Variants in RARB observed in about 807,000 individuals in gnomAD.
The protein encoded by RARB is HBV-activated protein.
In RARB, 17 loss-of-function variants were observed where a neutral mutation model predicts 51.9. The ratio of observed to expected loss-of-function variants is 0.33; its 90% CI spans 0.22 to 0.49. RARB has a LOEUF of 0.49. Ranked by LOEUF, RARB falls within the 20% of genes least tolerant of loss-of-function variation. The pLI, the probability that RARB is intolerant of heterozygous loss-of-function variation, is 0.99. For missense variants in RARB, 369 were observed against 550.8 expected (o/e 0.67, Z 3.30); for synonymous variants, 215 against 195.4 (o/e 1.10, Z -0.84).
At chr3:25,323,109 C>T (rs1250352704) in intron 5 of RARB, among the ~76,000 whole-genome samples, 2 of 152,140 alleles carry the variant, frequency 1.3e-5, no homozygotes, top group Non-Finnish European at 2.9e-5. Flanking sequence ...CCATTGGCCT[C>T]TCTCCAACAG....
chr3:25,440,211 GA>G (rs1299608808), intron 1 of RARB, among the ~76,000 whole-genome samples: 1 of 152,032 alleles, frequency 6.6e-6, no homozygotes, highest in African/African-American at 2.4e-5. Context: ...AGCACTTCAG[GA>G]GGCCCGAGGC....
intron 3 of RARB, among the ~76,000 whole-genome samples, chr3:25,548,634 TC>T (rs1348591024): frequency 6.2e-5 from 2 of 32,066 alleles, no homozygotes; most frequent in Non-Finnish European, 1.3e-4. Context: ...AAACTTGACC[TC>T]CCCCGACAAA....
intron 5 of RARB, among the ~76,000 whole-genome samples, chr3:25,175,875 CG>C (rs1355764579): frequency 6.6e-6 from 1 of 152,010 alleles, no homozygotes; most frequent in African/African-American, 2.4e-5. Flanking sequence ...GCCAAAGCGG[CG>C]TATTGACTAT....
intron 5 of RARB, among the ~76,000 whole-genome samples, chr3:25,330,445 T>C (rs1005525761): frequency 2.0e-5 from 3 of 152,000 alleles, no homozygotes; most frequent in Admixed American, 2.0e-4. Context: ...AATAAAATCC[T>C]TTACAGACAA....
chr3:25,254,131 C>A lies in RARB; in HGVS notation c.178+79556C>A, dbSNP rs564016178. The stretch of plus-strand genomic sequence containing the variant: ...GAGAAGAGTTGAAATAAAATGTCAA[C>A]CCTTTCAATTGCTTGACATAACTTC... On this transcript the variant is annotated intron_variant, in intron 5 of 11. Coordinates refer to the RARB transcript ENST00000383772. Among the ~76,000 whole-genome samples, 126 of 152,226 alleles carry A rather than the reference C, an allele frequency of 8.3e-4. 1 individual carries two copies. The highest frequency in any genetic ancestry group is 3.0e-3 in the African/African-American group (123 of 41,522).
At chr3:25,050,815 T>G (rs1379311393) in intron 2 of RARB, among the ~76,000 whole-genome samples, 1 of 152,250 alleles carries the variant, frequency 6.6e-6, no homozygotes, top group Non-Finnish European at 1.5e-5. Context: ...TATGCAAATA[T>G]TGCTTACATA....
chr3:24,879,167 C>A (rs866267647), intron 2 of RARB, among the ~76,000 whole-genome samples: 1 of 152,072 alleles, frequency 6.6e-6, no homozygotes, highest in South Asian at 2.1e-4. Context: ...CGGTGGCTCA[C>A]GCCTGTAATC....
chr3:24,999,683 C>G (rs1033743136), intron 2 of RARB, among the ~76,000 whole-genome samples: 1 of 152,144 alleles, frequency 6.6e-6, no homozygotes, highest in African/African-American at 2.4e-5. Flanking sequence ...TGTGCATTAG[C>G]AATACAACTT....
chr3:25,231,439 C>T (rs149848644), intron 5 of RARB, among the ~76,000 whole-genome samples: 1 of 152,198 alleles, frequency 6.6e-6, no homozygotes, highest in African/African-American at 2.4e-5. Flanking sequence ...TCCTTATAGA[C>T]CTTTAGCTTT....
chr3:25,192,681 T>C (rs73054328), intron 5 of RARB, among the ~76,000 whole-genome samples: 12,835 of 152,138 alleles, frequency 0.084, 712 homozygotes, highest in Non-Finnish European at 0.13. Context: ...GGCACAAGGA[T>C]GTTTTGGCAT....
intron 3 of RARB, among the ~76,000 whole-genome samples, chr3:25,545,606 C>T (rs1472600006): frequency 1.3e-5 from 2 of 152,160 alleles, no homozygotes; most frequent in African/African-American, 2.4e-5. Context: ...GCGGGTAAAG[C>T]CTTGGGGCCA....
chr3:25,363,728 G>A (rs1706025216), intron 5 of RARB, among the ~76,000 whole-genome samples: 1 of 152,094 alleles, frequency 6.6e-6, no homozygotes, highest in Non-Finnish European at 1.5e-5. Context: ...GCACAACACA[G>A]ATCAGTTGAC....
chr3:24,974,892 G>T (rs1696478664), intron 2 of RARB, among the ~76,000 whole-genome samples: 1 of 152,116 alleles, frequency 6.6e-6, no homozygotes, highest in South Asian at 2.1e-4. Flanking sequence ...TCCAAGAAAA[G>T]ATTTTTGCAA....
intron 5 of RARB, among the ~76,000 whole-genome samples, chr3:25,273,255 G>A (rs1410847769): frequency 6.6e-6 from 1 of 152,108 alleles, no homozygotes; most frequent in Non-Finnish European, 1.5e-5. Context: ...ACTCGAACTG[G>A]CCTCAGCTAT....
In RARB at chr3:24,880,195, C is replaced by T. The variant is rs553832280; in HGVS notation, c.-380+21443C>T. On this transcript the variant is annotated intron_variant, in intron 2 of 11. Coordinates refer to the RARB transcript ENST00000383772. ...TGATCTGTTATACCACCCTAAATGG[C>T]AACTGCATTTTTTTTTTCTGTAACA... 2.6e-5 allele frequency among the ~76,000 whole-genome samples: 4 copies of T among 151,954 alleles called. No individual in the cohort carries two copies. The South Asian group carries it at 8.3e-4, about 32-fold the overall frequency.
rs532103846 is a variant in RARB at position 25,522,727 on chromosome 3, A to C, written c.448+21404A>C. The stretch of plus-strand genomic sequence containing the variant: ...CATTCTGGAAGCACAGCCCCGGGTA[A>C]GGGGGAGGTCTGCGGGTCCTCTTAG... On this transcript the variant is annotated intron_variant, in intron 3 of 7. Coordinates refer to ENST00000330688, the MANE Select transcript of RARB (RefSeq NM_000965.5). Among the ~76,000 whole-genome samples the C allele has an allele frequency of 7.9e-5, 12 of 152,256 alleles. No individual in the cohort carries two copies. In the East Asian group the frequency reaches 2.1e-3, roughly 27 times the overall value.
chr3:25,279,172 G>A (rs980575019), intron 5 of RARB, among the ~76,000 whole-genome samples: 7 of 152,190 alleles, frequency 4.6e-5, no homozygotes, highest in Non-Finnish European at 8.8e-5. Context: ...TCAAAATGCA[G>A]AAGGTTACTT....
At chr3:25,426,434 C>T (rs1335914510), upstream of RARB, among the ~76,000 whole-genome samples, 1 of 152,216 alleles carries the variant, frequency 6.6e-6, no homozygotes, top group African/African-American at 2.4e-5. Context: ...GGATCTTTGA[C>T]TTGGTAAGTG....
At chr3:25,445,138 C>G (rs994783780) in intron 1 of RARB, among the ~76,000 whole-genome samples, 1 of 152,014 alleles carries the variant, frequency 6.6e-6, no homozygotes, top group East Asian at 2.0e-4. Flanking sequence ...TTAGTAGAGA[C>G]GGAATTTCAC....
Sources: gnomAD v4.1 joint callset for allele counts (sites outside exome capture counted in the v4.1 genomes callset) on GRCh38, gnomAD v4.1.1 for gene constraint, MANE v1.5 for transcripts, NCBI Gene and HGNC (gene_info 2026-07-23, HGNC 2026-07-21) for gene names.